The following PUM2 variants were observed in gnomAD, a reference collection of about 807,000 sequenced individuals.
PUM2 encodes pumilio RNA binding family member 2, also known as pumilio homolog 2.
A neutral mutation model predicts 124.5 loss-of-function variants in PUM2; 57 were observed. The ratio of observed to expected loss-of-function variants is 0.46; its 90% CI spans 0.37 to 0.57. The LOEUF (loss-of-function observed/expected upper bound fraction) is 0.57. Among genes scored for constraint, PUM2 ranks in the 20% least tolerant of loss-of-function variants. PUM2 has a pLI of 0.00. For synonymous variants in PUM2, 460 were observed against 446.1 expected (o/e 1.03, Z -0.39); for missense variants, 1,065 against 1,290.6 (o/e 0.83, Z 2.68).
intron 13 of PUM2, among the ~76,000 whole-genome samples, chr2:20,266,908 T>G (rs185037571): frequency 6.6e-6 from 1 of 152,314 alleles, no homozygotes; most frequent in East Asian, 1.9e-4. Context: ...CTGCTTTGAT[T>G]AGTGGTTTAT....
In PUM2 at chr2:20,342,966, T is replaced by C. The variant is rs143555210; in HGVS notation, c.-19+7631A>G. On this transcript the variant is annotated intron_variant, in intron 1 of 20. Transcript: ENST00000361078. The stretch of plus-strand genomic sequence containing the variant: ...GTTTCAAGGATTAAGTATTAAATCA[T>C]ATATATATTTATAGACAGGGTCTTA... Among the ~76,000 whole-genome samples the C allele has an allele frequency of 1.6e-3, 237 of 152,286 alleles. 2 individuals are homozygous for C. Among genetic ancestry groups the C allele is most frequent in the African/African-American group, 5.5e-3 (228 of 41,564 alleles).
Position 20,260,733 on chromosome 2 carries a change from A to T in PUM2, c.2226-267T>A, listed in dbSNP as rs138445378. On this transcript the variant is annotated intron_variant, in intron 14 of 20. Coordinates refer to ENST00000361078, the MANE Select transcript of PUM2 (RefSeq NM_015317.5). ...TTACATTATAATCAATAAGAAAATT[A>T]CGTAAATTTTGCTGCTTATTCATTT... is the stretch of plus-strand genomic sequence containing the variant. 1.1e-3 allele frequency among the ~76,000 whole-genome samples: 165 copies of T among 152,302 alleles called. 2 individuals carry two copies. The East Asian group carries it at 0.03, about 27-fold the overall frequency.
chr2:20,314,170 CAATAA>C (rs778032140), intron 3 of PUM2, among the ~76,000 whole-genome samples: 1 of 151,972 alleles, frequency 6.6e-6, no homozygotes, highest in Non-Finnish European at 1.5e-5. Flanking sequence ...ATTAAAATAA[CAATAA>C]AATAAAATAA....
rs181581574 is a variant in PUM2, at chr2:20,315,669, A to G, written c.160+2868T>C. Among the ~76,000 whole-genome samples, 32 of 152,086 alleles carry G rather than the reference A, an allele frequency of 2.1e-4. No homozygotes were observed. In the East Asian group the frequency reaches 3.3e-3, roughly 16 times the overall value. ...GCTTTGCTTTTCAACACCTCAAAAAATCTTTGGTTGGCTGGGCATAGTGGC... is the reference window on the plus strand; with the variant it reads ...GCTTTGCTTTTCAACACCTCAAAAAGTCTTTGGTTGGCTGGGCATAGTGGC... On this transcript the variant is annotated intron_variant, in intron 3 of 20. Transcript: ENST00000361078.
intron 14 of PUM2, among the ~76,000 whole-genome samples, chr2:20,261,384 ACT>A (rs1356860479): frequency 3.3e-5 from 4 of 122,640 alleles, no homozygotes; most frequent in Admixed American, 9.5e-5. Flanking sequence ...ACAGAGTGAG[ACT>A]CTGTCTCCAA....
chr2:20,303,674 A>T (rs568350217), intron 7 of PUM2, among the ~76,000 whole-genome samples: 1 of 152,238 alleles, frequency 6.6e-6, no homozygotes, highest in South Asian at 2.1e-4. Context: ...TTTCTCCTTT[A>T]CATTTCCCAT....
intron 1 of PUM2, among the ~76,000 whole-genome samples, chr2:20,328,462 A>G (rs923954325): frequency 6.6e-6 from 1 of 152,356 alleles, no homozygotes; most frequent in Admixed American, 6.5e-5. Flanking sequence ...CAGGTGAGAA[A>G]AAAGGAAAAT....
At chr2:20,261,013 G>A (rs1051129958) in intron 14 of PUM2, among the ~76,000 whole-genome samples, 1 of 152,064 alleles carries the variant, frequency 6.6e-6, no homozygotes, top group Non-Finnish European at 1.5e-5. Flanking sequence ...AATTCCTATT[G>A]GGTAGGAACT....
intron 1 of PUM2, among the ~76,000 whole-genome samples, chr2:20,344,860 G>A (rs999148663): frequency 2.0e-5 from 3 of 151,340 alleles, no homozygotes; most frequent in Non-Finnish European, 4.4e-5. Context: ...GCGGGCGCCT[G>A]TAGTCCCAGC....
chr2:20,251,795 G>T, intron 20 of PUM2, 79 bp from the exon 21 acceptor site: 1 of 1,503,340 alleles, frequency 6.7e-7, no homozygotes, highest in South Asian at 1.2e-5. Context: ...CCAATTCTGG[G>T]TAATTTAGAG....
At chr2:20,351,787 T>G (rs1345520873), upstream of PUM2, among the ~76,000 whole-genome samples, 2 of 152,206 alleles carry the variant, frequency 1.3e-5, no homozygotes, top group East Asian at 1.9e-4. Flanking sequence ...CCGTATAGTT[T>G]GCTTAATATA....
intron 19 of PUM2, 150 bp from the exon 20 acceptor site, chr2:20,254,164 G>T (rs891374500): frequency 4.0e-6 from 3 of 758,254 alleles, no homozygotes; most frequent in African/African-American, 3.6e-5. Flanking sequence ...ATTTTATTTT[G>T]TTCTTTTTTT....
At chr2:20,330,000 A>T (rs887358365) in intron 1 of PUM2, among the ~76,000 whole-genome samples, 1 of 152,134 alleles carries the variant, frequency 6.6e-6, no homozygotes, top group Non-Finnish European at 1.5e-5. Context: ...GAGGAAAGAT[A>T]AATAAGAAAA....
chr2:20,346,852 A>G (rs564410965), intron 1 of PUM2, among the ~76,000 whole-genome samples: 2 of 152,292 alleles, frequency 1.3e-5, no homozygotes, highest in Admixed American at 1.3e-4. Flanking sequence ...CCCTTCCAGG[A>G]AACATTTTAG....
intron 10 of PUM2, among the ~76,000 whole-genome samples, chr2:20,284,010 A>G (rs1672153465): frequency 6.6e-6 from 1 of 152,222 alleles, no homozygotes; most frequent in South Asian, 2.1e-4. Flanking sequence ...TAAAAATCAC[A>G]CAGGCTTTAG....
At chr2:20,259,314 T>A (rs776047045) in intron 15 of PUM2, among the ~76,000 whole-genome samples, 24 of 152,246 alleles carry the variant, frequency 1.6e-4, no homozygotes, top group Non-Finnish European at 2.8e-4. Context: ...CATTTTTAGC[T>A]AGGTGATTGA....
At chr2:20,309,457 A>T (rs1263961109) in intron 5 of PUM2, among the ~76,000 whole-genome samples, 5 of 151,536 alleles carry the variant, frequency 3.3e-5, no homozygotes, top group African/African-American at 1.2e-4. Flanking sequence ...CCTTACTACT[A>T]TACAGCCTCC....
intron 1 of PUM2, among the ~76,000 whole-genome samples, chr2:20,343,828 C>T (rs1022165253): frequency 1.3e-5 from 2 of 152,048 alleles, no homozygotes; most frequent in African/African-American, 4.8e-5. Context: ...CCTCAGGAGG[C>T]TGAAGTCAGA....
chr2:20,253,687 C>T (rs1415329218), intron 20 of PUM2, 135 bp downstream of exon 20: 3 of 819,416 alleles, frequency 3.7e-6, no homozygotes, highest in South Asian at 2.4e-5. Flanking sequence ...ACCAATATAT[C>T]TGCCAAAGGA....
Sources: gnomAD v4.1 joint callset for allele counts (sites outside exome capture counted in the v4.1 genomes callset) on GRCh38, gnomAD v4.1.1 for gene constraint, MANE v1.5 for transcripts, NCBI Gene and HGNC (gene_info 2026-07-23, HGNC 2026-07-21) for gene names.